RTKN2: variants seen among roughly 807,000 people sequenced by gnomAD.
The protein encoded by RTKN2 is rhotekin 2.
RTKN2 carries 69 observed loss-of-function variants against 71.5 expected under a neutral mutation model. That is an observed-to-expected ratio of 0.96 (90% CI 0.79 to 1.18). The LOEUF (loss-of-function observed/expected upper bound fraction) is 1.18, where lower values mean the gene tolerates loss of function less well. Among genes scored for constraint, RTKN2 ranks in the 50% most tolerant of loss-of-function variants. RTKN2 has a pLI of 0.00. For missense variants in RTKN2, 724 were observed against 719.7 expected, an observed-to-expected ratio of 1.01 and a Z score of -0.07; for synonymous variants, 236 against 236.5, an observed-to-expected ratio of 1.00 and a Z score of 0.02.
chr10:62,194,880 A>C lies in RTKN2; in HGVS notation c.*3028T>G. 1 of 984,720 alleles carries C rather than the reference A, an allele frequency of 1.0e-6. No individual in the cohort carries two copies. Among genetic ancestry groups the C allele is most frequent in the Non-Finnish European group, 1.2e-6 (1 of 829,272 alleles). The allele number at this position is 984,720 out of a possible 1,614,324, so 61.0% of individuals were successfully genotyped here. A position where few individuals can be genotyped will look rare whatever the true frequency, so the allele number is the denominator to read the frequency against. ...TAAGGCATTTATAATAAATGGATTTAGTTTTCCACATATATTCACATCCAT... is the reference window on the plus strand; with the variant it reads ...TAAGGCATTTATAATAAATGGATTTCGTTTTCCACATATATTCACATCCAT... On this transcript the variant is annotated 3_prime_UTR_variant, in exon 12 of 12. Coordinates refer to ENST00000373789, the MANE Select transcript of RTKN2 (RefSeq NM_145307.4).
At chr10:62,232,796 CAG>C in intron 6 of RTKN2, among the ~76,000 whole-genome samples, 1 of 151,726 alleles carries the variant, frequency 6.6e-6, no homozygotes, top group Non-Finnish European at 1.5e-5. Context: ...ATAATGGTAA[CAG>C]AGCTTACTAC....
intron 2 of RTKN2, among the ~76,000 whole-genome samples, 154 bp downstream of exon 2, chr10:62,262,471 G>A (rs899201277): frequency 4.6e-5 from 7 of 152,050 alleles, no homozygotes; most frequent in African/African-American, 9.7e-5. Context: ...GAGCTGTGTC[G>A]GCAAACTGTT....
At chr10:62,192,283 A>T (rs143264114), downstream of RTKN2, among the ~76,000 whole-genome samples, 68 of 152,330 alleles carry the variant, frequency 4.5e-4, no homozygotes, top group East Asian at 0.012. Context: ...TATTTAACAC[A>T]GTATAGTATC....
chr10:62,207,515 AC>A (rs1245835809), intron 9 of RTKN2, among the ~76,000 whole-genome samples: 1 of 150,616 alleles, frequency 6.6e-6, no homozygotes, highest in Non-Finnish European at 1.5e-5. Flanking sequence ...CTGTTTTTTC[AC>A]TGTGGAAAAA....
intron 6 of RTKN2, among the ~76,000 whole-genome samples, chr10:62,232,315 CT>C (rs56139482): frequency 0.74 from 86,228 of 117,076 alleles, 30,803 homozygotes; most frequent in East Asian, 0.93. Context: ...TTCTTTCTTT[CT>C]TTTTTTTTTT....
chr10:62,209,527 T>C (rs182157101), intron 9 of RTKN2, among the ~76,000 whole-genome samples: 51 of 152,162 alleles, frequency 3.4e-4, no homozygotes, highest in Admixed American at 2.0e-3. Context: ...TAAACTTGTG[T>C]CATGGGGGTC....
intron 1 of RTKN2, among the ~76,000 whole-genome samples, chr10:62,267,569 C>A (rs1226840739): frequency 6.6e-6 from 1 of 152,216 alleles, no homozygotes; most frequent in African/African-American, 2.4e-5. Context: ...CACTGGACTT[C>A]TTTTGCATAA....
chr10:62,190,664 G>C (rs78450360), downstream of RTKN2, among the ~76,000 whole-genome samples: 723 of 152,162 alleles, frequency 4.8e-3, 2 homozygotes, highest in African/African-American at 0.016. Flanking sequence ...ATGTTAATAA[G>C]GAAGTTGAAC....
chr10:62,234,491 T>G (rs1842214464), intron 6 of RTKN2, among the ~76,000 whole-genome samples: 1 of 82,930 alleles, frequency 1.2e-5, no homozygotes. Context: ...TCCAGACTTG[T>G]CTTAAAAAAA....
chr10:62,259,243 T>C, intron 2 of RTKN2: 1 of 448,970 alleles, frequency 2.2e-6, no homozygotes, highest in Non-Finnish European at 4.4e-6. Context: ...TCCCCAGTCA[T>C]GTGAACCGTG....
At position 62,196,520 on chromosome 10, in the gene RTKN2, G is replaced by A. The variant is rs1841334774; in HGVS notation, c.*1388C>T. On this transcript the variant is annotated 3_prime_UTR_variant, in exon 12 of 12. Transcript: ENST00000373789. ...ACCCCGCTATCTGAAAATAATGAAA[G>A]GCTCCATTTAAATTAATGTGGTTTT... 2 of 985,088 alleles carry A rather than the reference G, an allele frequency of 2.0e-6. No individual in the cohort carries two copies. The highest frequency in any genetic ancestry group is 4.7e-5 in the South Asian group (1 of 21,282). 61.0% of individuals were successfully genotyped at this position (985,088 alleles called of 1,614,324 possible).
At chr10:62,232,922 C>CA (rs149809027) in intron 6 of RTKN2, among the ~76,000 whole-genome samples, 28,208 of 151,960 alleles carry the variant, frequency 0.19, 2,927 homozygotes, top group African/African-American at 0.27. Context: ...AACAAAAACT[C>CA]AGAGTAAATT....
In RTKN2 at chr10:62,236,253, C is replaced by G. The variant is rs1372966786; in HGVS notation, c.499G>C (p.Gly167Arg). 1.2e-6 allele frequency: 2 copies of G among 1,603,570 alleles called. No individual in the cohort carries two copies. The highest frequency in any genetic ancestry group is 1.7e-6 in the Non-Finnish European group (2 of 1,174,020). The change falls in exon 6 of 12, where the codon GGG becomes CGG. Residue 167 changes from glycine (G) to arginine (R), a missense_variant. Gly to Arg is a moderately radical substitution (Grantham distance 125). Transcript: ENST00000373789. ...FENVTIFNEAGPDFQIKVEVY... is the reference protein window; with the variant it reads ...FENVTIFNEARPDFQIKVEVY... ...TCCACCTTTATCTGAAAGTCTGGCC[C>G]TGCTTCATTACTAAAAACAAGGGCA...
chr10:62,255,851 C>T (rs1842664424), intron 2 of RTKN2, among the ~76,000 whole-genome samples: 1 of 152,144 alleles, frequency 6.6e-6, no homozygotes, highest in South Asian at 2.1e-4. Flanking sequence ...TGGTCCCCAG[C>T]CTCACCTAGA....
chr10:62,247,170 A>G (rs910975105), intron 2 of RTKN2, among the ~76,000 whole-genome samples: 31 of 151,960 alleles, frequency 2.0e-4, no homozygotes, highest in Non-Finnish European at 4.3e-4. Context: ...TATCTAAGTA[A>G]TTTTTGGAAG....
rs1349764418 is a variant in RTKN2, at chr10:62,236,186, G to A, written c.566C>T (p.Thr189Ile). The change falls in exon 6 of 12, where the codon ACA (threonine) becomes ATA (isoleucine). Residue 189 changes from threonine (T) to isoleucine (I), a missense_variant. Physicochemically the swap from Thr to Ile is moderately conservative, Grantham distance 89. Transcript: ENST00000373789. ...GAGTTTCTTAGCTAGCTTTTTTGGT[G>A]TGTTGGTTATAGAAGATTCTTCTGT... ...CCTEESSITN[T>I]PKKLAKKLKT... 5 of 1,611,450 alleles carry A rather than the reference G, an allele frequency of 3.1e-6. No homozygotes were observed. The African/African-American group carries it at 4.0e-5, about 13-fold the overall frequency.
chr10:62,244,081 T>C (rs529701097), intron 3 of RTKN2, among the ~76,000 whole-genome samples: 2 of 152,314 alleles, frequency 1.3e-5, no homozygotes, highest in South Asian at 4.1e-4. Context: ...AACCCAGGTA[T>C]TTTCTGGCTA....
intron 6 of RTKN2, among the ~76,000 whole-genome samples, chr10:62,225,015 G>A (rs1413489078): frequency 6.6e-6 from 1 of 151,208 alleles, no homozygotes; most frequent in African/African-American, 2.4e-5. Flanking sequence ...AATTTCCCAG[G>A]GACAAAGGCT....
At chr10:62,259,058 G>C (rs1259630983) in intron 2 of RTKN2, among the ~76,000 whole-genome samples, 1 of 152,182 alleles carries the variant, frequency 6.6e-6, no homozygotes, top group Non-Finnish European at 1.5e-5. Flanking sequence ...GGACCATCAG[G>C]AGGTAACTGA....
Sources: gnomAD v4.1 joint callset for allele counts (sites outside exome capture counted in the v4.1 genomes callset) on GRCh38, gnomAD v4.1.1 for gene constraint, MANE v1.5 for transcripts, NCBI Gene and HGNC (gene_info 2026-07-23, HGNC 2026-07-21) for gene names.